The following ATP9B variants were observed in gnomAD, a reference collection of about 807,000 sequenced individuals.
ATP9B encodes the protein probable phospholipid-transporting ATPase IIB.
A neutral mutation model predicts 146.1 loss-of-function variants in ATP9B; 110 were observed. The observed-to-expected ratio is 0.75, with a 90% CI of 0.65 to 0.88. The LOEUF (loss-of-function observed/expected upper bound fraction) is 0.88. Among genes scored for constraint, ATP9B ranks in the 40% least tolerant of loss-of-function variants. ATP9B has a pLI of 0.00. For missense variants in ATP9B, 1,499 were observed against 1,496.4 expected, an observed-to-expected ratio of 1.00 and a Z score of -0.03; for synonymous variants, 604 against 569.7, an observed-to-expected ratio of 1.06 and a Z score of -0.86.
chr18:79,277,005 G>T, intron 12 of ATP9B, 49 bp from the exon 13 acceptor site: 1 of 1,610,824 alleles, frequency 6.2e-7, no homozygotes, highest in Non-Finnish European at 8.5e-7. Context: ...TGTGAACTTG[G>T]ACATGGCTCT....
At chr18:79,147,089 A>G (rs1282920226) in intron 6 of ATP9B, among the ~76,000 whole-genome samples, 4 of 152,266 alleles carry the variant, frequency 2.6e-5, no homozygotes, top group Admixed American at 2.6e-4. Flanking sequence ...TTCAGAGTGA[A>G]GAAAATTAAC....
chr18:79,284,636 T>A (rs1291079608), intron 13 of ATP9B, among the ~76,000 whole-genome samples: 1 of 152,196 alleles, frequency 6.6e-6, no homozygotes, highest in Non-Finnish European at 1.5e-5. Flanking sequence ...TTTATTATTA[T>A]TATACTTTAA....
At chr18:79,246,490 C>T (rs1220460570) in intron 11 of ATP9B, among the ~76,000 whole-genome samples, 2 of 152,218 alleles carry the variant, frequency 1.3e-5, no homozygotes, top group African/African-American at 4.8e-5. Flanking sequence ...TTCAGGGCCC[C>T]CTTCCTACCC....
At chr18:79,230,145 T>A (rs1308657983) in intron 11 of ATP9B, among the ~76,000 whole-genome samples, 1 of 152,180 alleles carries the variant, frequency 6.6e-6, no homozygotes, top group Non-Finnish European at 1.5e-5. Context: ...ATATATAAAT[T>A]TAGTATTAAC....
At chr18:79,222,054 T>A (rs1171249939) in intron 11 of ATP9B, among the ~76,000 whole-genome samples, 1 of 152,132 alleles carries the variant, frequency 6.6e-6, no homozygotes, top group Non-Finnish European at 1.5e-5. Flanking sequence ...TATCCTGTAG[T>A]TACAGGTACC....
intron 9 of ATP9B, among the ~76,000 whole-genome samples, chr18:79,195,013 G>C (rs575381384): frequency 6.6e-6 from 1 of 152,292 alleles, no homozygotes; most frequent in South Asian, 2.1e-4. Flanking sequence ...CACTGGTAAA[G>C]AGTTGGTGGC....
At chr18:79,339,788 T>C (rs2096848962) in intron 19 of ATP9B, among the ~76,000 whole-genome samples, 1 of 151,658 alleles carries the variant, frequency 6.6e-6, no homozygotes, top group African/African-American at 2.4e-5. Flanking sequence ...CAGTAGGAAG[T>C]GCATGATTGC....
At chr18:79,336,563 TG>T (rs2096828194) in intron 17 of ATP9B, 64 bp from the exon 18 acceptor site, 2 of 1,471,944 alleles carry the variant, frequency 1.4e-6, no homozygotes, top group Non-Finnish European at 1.9e-6. Context: ...GGCACTGCCC[TG>T]GCCCCACACA....
intron 3 of ATP9B, among the ~76,000 whole-genome samples, chr18:79,110,957 C>G (rs1393011277): frequency 2.6e-5 from 4 of 152,162 alleles, no homozygotes; most frequent in Non-Finnish European, 5.9e-5. Context: ...AACAAAGTAT[C>G]TGTAATATGC....
Position 79,306,950 on chromosome 18 carries a change from T to C in ATP9B, c.1525-36T>C, listed in dbSNP as rs760108412. 4 of 1,607,334 alleles carry C rather than the reference T, an allele frequency of 2.5e-6. No individual in the cohort carries two copies. The Admixed American group carries it at 5.0e-5, about 20-fold the overall frequency. The stretch of plus-strand genomic sequence containing the variant: ...ATGTTAACTAGATAGTTCTCTTTGC[T>C]CTATCTTTAATTATGTGACGTTTCA... On this transcript the variant is annotated intron_variant, in intron 14 of 29. Coordinates refer to ENST00000426216, the MANE Select transcript of ATP9B (RefSeq NM_198531.5).
intron 11 of ATP9B, among the ~76,000 whole-genome samples, chr18:79,251,533 C>T (rs1027288314): frequency 2.0e-5 from 3 of 152,128 alleles, no homozygotes; most frequent in Non-Finnish European, 4.4e-5. Flanking sequence ...GAGTTTAGCA[C>T]AAAATGTAGT....
rs1049729277 is a variant in ATP9B, at chr18:79,210,559, G to A, written c.1031-3403G>A. On this transcript the variant is annotated intron_variant, in intron 10 of 29. Coordinates refer to ENST00000426216, the MANE Select transcript of ATP9B (RefSeq NM_198531.5). Reference sequence around the variant, plus strand: ...CTTTGTAGTCTGTGCACCAGTTTTGGTCTAGGTTGTTTACATCCTGGGGCT... The same window carrying A: ...CTTTGTAGTCTGTGCACCAGTTTTGATCTAGGTTGTTTACATCCTGGGGCT... Among the ~76,000 whole-genome samples the A allele has an allele frequency of 2.6e-5, 4 of 152,340 alleles. No individual in the cohort carries two copies. The South Asian group carries it at 8.3e-4, about 32-fold the overall frequency.
intron 12 of ATP9B, among the ~76,000 whole-genome samples, chr18:79,276,288 A>G (rs1033616327): frequency 2.6e-5 from 4 of 152,258 alleles, no homozygotes; most frequent in Admixed American, 2.6e-4. Flanking sequence ...CACTGCCTCC[A>G]GGCAAGGTTC....
At chr18:79,270,185 T>G (rs1309088465) in intron 12 of ATP9B, among the ~76,000 whole-genome samples, 2 of 152,216 alleles carry the variant, frequency 1.3e-5, no homozygotes, top group Non-Finnish European at 2.9e-5. Context: ...GTGCTAGCCT[T>G]TAATAGGAAT....
At chr18:79,130,779 A>G (rs2094365360) in intron 5 of ATP9B, among the ~76,000 whole-genome samples, 1 of 152,170 alleles carries the variant, frequency 6.6e-6, no homozygotes, top group Admixed American at 6.5e-5. Context: ...GTCTGAAGGC[A>G]GTGGGGTGAC....
intron 13 of ATP9B, among the ~76,000 whole-genome samples, chr18:79,281,559 C>T (rs1302472345): frequency 6.6e-6 from 1 of 151,444 alleles, no homozygotes; most frequent in Non-Finnish European, 1.5e-5. Flanking sequence ...AACATAGATA[C>T]AGATGTATCT....
chr18:79,147,388 C>T (rs900018881), intron 6 of ATP9B, among the ~76,000 whole-genome samples: 3 of 152,200 alleles, frequency 2.0e-5, no homozygotes, highest in Admixed American at 6.5e-5. Context: ...TAGGAGAGAA[C>T]ACATTTATTT....
At chr18:79,310,345 A>G (rs541924291) in intron 15 of ATP9B, among the ~76,000 whole-genome samples, 33 of 152,352 alleles carry the variant, frequency 2.2e-4, no homozygotes, top group Admixed American at 6.5e-4. Context: ...TGCGTTCAGA[A>G]TGTTTGGAAA....
chr18:79,171,881 T>TG (rs2147881265), intron 7 of ATP9B, among the ~76,000 whole-genome samples: 1 of 132,384 alleles, frequency 7.6e-6, no homozygotes, highest in East Asian at 2.3e-4. Flanking sequence ...GAGACTCGTT[T>TG]TTTTTTGTTT....
Sources: allele counts gnomAD v4.1 joint callset (sites outside exome capture counted in the v4.1 genomes callset), GRCh38; gene constraint gnomAD v4.1.1; transcripts MANE v1.5; gene names NCBI Gene and HGNC (gene_info 2026-07-23, HGNC 2026-07-21).